UBE3A: variants seen among roughly 807,000 people sequenced by gnomAD.
UBE3A encodes ubiquitin-protein ligase E3A.
In UBE3A, 6 loss-of-function variants were observed where a neutral mutation model predicts 83.4. The observed-to-expected ratio is 0.07, with a 90% CI of 0.04 to 0.14. The LOEUF (loss-of-function observed/expected upper bound fraction) is 0.14. UBE3A is among the 10% of genes least tolerant of loss of function. The pLI, the probability that UBE3A is intolerant of heterozygous loss-of-function variation, is 1.00. For missense variants in UBE3A, 456 were observed against 1,036.1 expected (o/e 0.44, Z 7.69); for synonymous variants, 337 against 355.4 (o/e 0.95, Z 0.58).
rs1203198771 is a variant in UBE3A, at chr15:25,434,989, C to T, written c.-165+3500G>A. 2.0e-3 allele frequency among the ~76,000 whole-genome samples: 303 copies of T among 150,778 alleles called. 1 individual carries two copies. Among genetic ancestry groups the T allele is most frequent in the Middle Eastern group, 0.01 (3 of 286 alleles). On this transcript the variant is annotated intron_variant, in intron 1 of 12. Transcript: ENST00000648336. ...ATACATACACACACACACACACACA[C>T]ACACACACACACACACACACACACA... is the stretch of plus-strand genomic sequence containing the variant.
chr15:25,360,837 G>A (rs2077954036), intron 6 of UBE3A, among the ~76,000 whole-genome samples: 1 of 149,350 alleles, frequency 6.7e-6, no homozygotes, highest in African/African-American at 2.5e-5. Flanking sequence ...CACAGGACAT[G>A]GAAAAGCAGC....
At chr15:25,428,976 G>A (rs1892225441) in intron 1 of UBE3A, among the ~76,000 whole-genome samples, 1 of 152,010 alleles carries the variant, frequency 6.6e-6, no homozygotes, top group Admixed American at 6.5e-5. Flanking sequence ...TCAATAGTGG[G>A]ACACATACAT....
At chr15:25,407,770 T>C (rs1000835836) in intron 3 of UBE3A, 1 of 152,200 alleles carries the variant, frequency 6.6e-6, no homozygotes, top group African/African-American at 2.4e-5. Flanking sequence ...AATTGGAAAT[T>C]GTTTTTTAAT....
chr15:25,435,281 C>CT (rs1894729460), intron 1 of UBE3A, among the ~76,000 whole-genome samples: 1 of 151,906 alleles, frequency 6.6e-6, no homozygotes, highest in Non-Finnish European at 1.5e-5. Flanking sequence ...AGTCACTCAA[C>CT]TATAAGCATT....
chr15:25,339,980 T>TA (rs1372734025), intron 12 of UBE3A, 105 bp downstream of exon 12: 2 of 1,446,786 alleles, frequency 1.4e-6, no homozygotes, highest in East Asian at 4.6e-5. Flanking sequence ...GATTTGTATA[T>TA]AAAATCACGA....
intron 1 of UBE3A, among the ~76,000 whole-genome samples, chr15:25,423,978 C>CT (rs1471349480): frequency 6.6e-6 from 1 of 152,160 alleles, no homozygotes; most frequent in African/African-American, 2.4e-5. Context: ...TTAATCTGTA[C>CT]TAATGGTCTA....
In UBE3A at chr15:25,356,879, C is replaced by A; in HGVS notation, c.1771G>T (p.Glu591Ter). Residue 591 changes from glutamate (E) to a stop codon, truncating the protein, a stop_gained, in exon 8 of 13, where the codon GAA (glutamate) becomes TAA (stop). Transcript: ENST00000648336. LOFTEE classifies it high-confidence loss of function. ...TTAAACCAAAACAATTTTGTAGATT[C>A]ATCGTATGTGAACATACCTATAAGA... is the stretch of plus-strand genomic sequence containing the variant. ...NPDIGMFTYD[E>*]STKLFWFNPS... 6.2e-7 allele frequency: 1 copy of A among 1,613,476 alleles called. No homozygotes were observed. Among genetic ancestry groups the A allele is most frequent in the South Asian group, 1.1e-5 (1 of 91,012 alleles).
intron 4 of UBE3A, among the ~76,000 whole-genome samples, chr15:25,399,080 T>A (rs1455907008): frequency 6.6e-6 from 1 of 151,802 alleles, no homozygotes; most frequent in African/African-American, 2.4e-5. Flanking sequence ...GATGTCTGAG[T>A]TCCTTATATA....
At chr15:25,435,414 T>C (rs2158306) in intron 1 of UBE3A, among the ~76,000 whole-genome samples, 96,178 of 152,096 alleles carry the variant, frequency 0.63, 33,396 homozygotes, top group Non-Finnish European at 0.78. Flanking sequence ...AACCAATTCA[T>C]GCCTGCTCTA....
intron 4 of UBE3A, among the ~76,000 whole-genome samples, chr15:25,383,123 A>G (rs2082489331): frequency 1.3e-5 from 2 of 152,216 alleles, no homozygotes; most frequent in South Asian, 4.1e-4. Flanking sequence ...TCCCTAATAA[A>G]TACTGATGCA....
chr15:25,431,834 A>T (rs1893546088), intron 1 of UBE3A, among the ~76,000 whole-genome samples: 1 of 152,266 alleles, frequency 6.6e-6, no homozygotes, highest in South Asian at 2.1e-4. Context: ...AGCAAAGATA[A>T]TATAAAAATC....
At chr15:25,405,969 T>C (rs1413514808) in intron 3 of UBE3A, among the ~76,000 whole-genome samples, 2 of 152,216 alleles carry the variant, frequency 1.3e-5, no homozygotes, top group African/African-American at 4.8e-5. Context: ...CCATGTAGTT[T>C]TGTAAATGAA....
chr15:25,375,238 C>T (rs76396390), intron 5 of UBE3A: 1 of 539,190 alleles, frequency 1.9e-6, no homozygotes, highest in Non-Finnish European at 3.2e-6. Flanking sequence ...AAGTTCAAAT[C>T]AATCTATTAA....
At chr15:25,354,460 G>A (rs2076953860) in intron 10 of UBE3A, 34 bp from the exon 11 acceptor site, 5 of 1,611,222 alleles carry the variant, frequency 3.1e-6, no homozygotes, top group Non-Finnish European at 4.2e-6. Context: ...TTAGTTATCT[G>A]CTATACTACT....
At chr15:25,358,682 C>T (rs1355497715) in intron 7 of UBE3A, among the ~76,000 whole-genome samples, 1 of 152,104 alleles carries the variant, frequency 6.6e-6, no homozygotes, top group Non-Finnish European at 1.5e-5. Context: ...ATGTCATTGT[C>T]ACTTTAAGTT....
At chr15:25,425,223 T>G (rs1040835665) in intron 1 of UBE3A, among the ~76,000 whole-genome samples, 1 of 152,118 alleles carries the variant, frequency 6.6e-6, no homozygotes, top group Non-Finnish European at 1.5e-5. Context: ...GGACACATAC[T>G]GTATGATTCC....
chr15:25,358,719 C>T (rs535914374), intron 7 of UBE3A, among the ~76,000 whole-genome samples: 363 of 152,254 alleles, frequency 2.4e-3, no homozygotes, highest in Admixed American at 6.2e-3. Context: ...TAACATGTTT[C>T]CTTGATCACT....
Position 25,338,882 on chromosome 15 carries a change from G to C in UBE3A, c.*255C>G. 1 of 192,954 alleles carries C rather than the reference G, an allele frequency of 5.2e-6. No homozygotes were observed. The allele number at this position is 192,954 out of a possible 1,614,324, so 12.0% of individuals were successfully genotyped here. ...GTGAAAGAATATGTAACACTTTCAC[G>C]CAAAAAAATAATTATAATAATAATA... On this transcript the variant is annotated 3_prime_UTR_variant, in exon 13 of 13. Coordinates refer to ENST00000648336, the MANE Select transcript of UBE3A (RefSeq NM_130839.5).
At position 25,338,348 on chromosome 15, in the gene UBE3A, TG is replaced by T. The variant is rs2074160525; in HGVS notation, c.*788del. ...CGAGAACAACAAGAACAAAAATCCC[TG>T]TCCTTTCATATACTAAGAAAGAGGA... is the stretch of plus-strand genomic sequence containing the variant. On this transcript the variant is annotated 3_prime_UTR_variant, in exon 13 of 13. Transcript: ENST00000648336. 6.6e-6 allele frequency: 1 copy of T among 152,072 alleles called. No homozygotes were observed. The highest frequency in any genetic ancestry group is 1.5e-5 in the Non-Finnish European group (1 of 67,964). The allele number at this position is 152,072 out of a possible 1,614,324, so 9.4% of individuals were successfully genotyped here.
Sources: allele counts gnomAD v4.1 joint callset (sites outside exome capture counted in the v4.1 genomes callset), GRCh38; gene constraint gnomAD v4.1.1; transcripts MANE v1.5; gene names NCBI Gene and HGNC (gene_info 2026-07-23, HGNC 2026-07-21).